The following NCBP2L variants were observed in gnomAD, a reference collection of about 807,000 sequenced individuals.
The protein encoded by NCBP2L is nuclear cap binding protein subunit 2 like.
For synonymous variants in NCBP2L, 39 were observed against 19.2 expected, an observed-to-expected ratio of 2.04 and a Z score of -2.70; for missense variants, 95 against 53.1, an observed-to-expected ratio of 1.79 and a Z score of -2.45.
At chrX:107,789,515 G>A (rs775923901) in intron 1 of NCBP2L, among the ~76,000 whole-genome samples, 2 of 111,669 alleles carry the variant, frequency 1.8e-5, no homozygotes, top group Non-Finnish European at 3.8e-5. Flanking sequence ...CTCACCTCCT[G>A]TTAAAAACTC....
intron 1 of NCBP2L, among the ~76,000 whole-genome samples, chrX:107,785,170 A>G (rs1449132413): frequency 8.9e-6 from 1 of 112,142 alleles, no homozygotes; most frequent in Non-Finnish European, 1.9e-5. Context: ...TATTTTCTTT[A>G]TAGTAAAGGG....
intron 1 of NCBP2L, among the ~76,000 whole-genome samples, chrX:107,778,906 C>G (rs1407800499): frequency 9.0e-6 from 1 of 111,469 alleles, no homozygotes; most frequent in East Asian, 2.8e-4. Context: ...AGTACAAATA[C>G]TAAGTGGTAA....
chrX:107,785,963 T>C (rs1008375911), intron 1 of NCBP2L, among the ~76,000 whole-genome samples: 9 of 106,920 alleles, frequency 8.4e-5, no homozygotes, highest in Non-Finnish European at 1.2e-4. Flanking sequence ...TAGGGGCCCC[T>C]GACCTAATAT....
chrX:107,781,672 A>ATCTCTCTCTC (rs1203106428), intron 1 of NCBP2L, among the ~76,000 whole-genome samples: 6 of 62,643 alleles, frequency 9.6e-5, no homozygotes, highest in African/African-American at 6.2e-4. Context: ...CTATCTATCT[A>ATCTCTCTCTC]TCTATCTCTC....
At chrX:107,786,411 CA>C (rs987857698) in intron 1 of NCBP2L, among the ~76,000 whole-genome samples, 15 of 112,008 alleles carry the variant, frequency 1.3e-4, no homozygotes, top group African/African-American at 4.5e-4. Flanking sequence ...CTTGGTAATT[CA>C]GCAAAAACAA....
rs1213203647 is a variant in NCBP2L, at chrX:107,781,768, CTA to C, written c.-73+3919_-73+3920del. Among the ~76,000 whole-genome samples the C allele has an allele frequency of 9.2e-5, 6 of 65,468 alleles. No homozygotes were observed. The East Asian group carries it at 1.2e-3, about 13-fold the overall frequency. The allele number at this position is 65,468 out of a possible 115,157, so 56.9% of individuals were successfully genotyped here. Reference sequence around the variant, plus strand: ...TATCTATATATAGATCTATAGATATCTATATATATAGATCTATAGATATCTAT... The same window carrying C: ...TATCTATATATAGATCTATAGATATCTATATATAGATCTATAGATATCTAT... On this transcript the variant is annotated intron_variant, in intron 1 of 1. Coordinates refer to ENST00000509000, the MANE Select transcript of NCBP2L (RefSeq NM_001348372.2).
At chrX:107,777,932 C>T (rs1326823546) in intron 1 of NCBP2L, 74 bp downstream of exon 1, 3 of 111,360 alleles carry the variant, frequency 2.7e-5, no homozygotes, top group Admixed American at 9.6e-5. Flanking sequence ...TTCGTTCTAA[C>T]AGACTGCTGA....
At chrX:107,781,472 A>ATTTTTTTTTTTTTTTTT (rs769639335) in intron 1 of NCBP2L, among the ~76,000 whole-genome samples, 1 of 73,865 alleles carries the variant, frequency 1.4e-5, no homozygotes, top group African/African-American at 6.8e-5. Flanking sequence ...CGCCCGGCTA[A>ATTTTTTTTTTTTTTTTT]TTTTTTTTTT....
intron 1 of NCBP2L, among the ~76,000 whole-genome samples, chrX:107,778,140 CTTG>C (rs1397189998): frequency 9.0e-6 from 1 of 110,782 alleles, no homozygotes; most frequent in Non-Finnish European, 1.9e-5. Flanking sequence ...GTTTTTTCCT[CTTG>C]TTTATAATTA....
At chrX:107,781,472 ATTTT>A (rs769639335) in intron 1 of NCBP2L, among the ~76,000 whole-genome samples, 1 of 73,848 alleles carries the variant, frequency 1.4e-5, no homozygotes, top group Non-Finnish European at 2.4e-5. Context: ...CGCCCGGCTA[ATTTT>A]TTTTTTTTTT....
At chrX:107,781,732 C>A (rs763903781) in intron 1 of NCBP2L, among the ~76,000 whole-genome samples, 6 of 53,407 alleles carry the variant, frequency 1.1e-4, no homozygotes, top group South Asian at 7.3e-4. Flanking sequence ...ATCTATAGAT[C>A]TATATATAGA....
At chrX:107,790,422 A>C (rs1930436410) in intron 1 of NCBP2L, among the ~76,000 whole-genome samples, 1 of 111,026 alleles carries the variant, frequency 9.0e-6, no homozygotes, top group Admixed American at 9.6e-5. Flanking sequence ...CTCTGCTTGA[A>C]GCCCTATCAT....
At position 107,778,469 on chromosome X, in the gene NCBP2L, A is replaced by G. The variant is rs959615561; in HGVS notation, c.-73+611A>G. Among the ~76,000 whole-genome samples the G allele has an allele frequency of 1.4e-4, 16 of 112,860 alleles. No homozygotes were observed. The East Asian group carries it at 4.4e-3, about 31-fold the overall frequency. The stretch of plus-strand genomic sequence containing the variant: ...TATAATTGAGATATAAAAAAACTAC[A>G]TAGTTCAGAGATAGAGTTCAGGAGC... On this transcript the variant is annotated intron_variant, in intron 1 of 1. Coordinates refer to ENST00000509000, the MANE Select transcript of NCBP2L (RefSeq NM_001348372.2).
At chrX:107,793,536 T>G (rs1274014573) in intron 1 of NCBP2L, among the ~76,000 whole-genome samples, 1 of 112,132 alleles carries the variant, frequency 8.9e-6, no homozygotes, top group Non-Finnish European at 1.9e-5. Context: ...TAATTACTAT[T>G]TACCTTTTGA....
At chrX:107,790,346 C>G (rs1429888716) in intron 1 of NCBP2L, among the ~76,000 whole-genome samples, 1 of 111,598 alleles carries the variant, frequency 9.0e-6, no homozygotes, top group African/African-American at 3.3e-5. Context: ...GCCTGCTCCC[C>G]CTTAGTCTAT....
intron 1 of NCBP2L, among the ~76,000 whole-genome samples, chrX:107,786,688 A>G (rs147493617): frequency 6.4e-4 from 72 of 111,655 alleles, no homozygotes; most frequent in Non-Finnish European, 1.0e-3. Context: ...ATTTCATTTC[A>G]TTCTCACAAC....
chrX:107,780,786 T>A (rs1228826013), intron 1 of NCBP2L, among the ~76,000 whole-genome samples: 1 of 108,844 alleles, frequency 9.2e-6, no homozygotes, highest in African/African-American at 3.4e-5. Flanking sequence ...CATGCCACCA[T>A]GCAGGGCTCA....
intron 1 of NCBP2L, among the ~76,000 whole-genome samples, chrX:107,784,616 G>A (rs750880691): frequency 3.7e-5 from 4 of 109,402 alleles, no homozygotes; most frequent in South Asian, 4.0e-4. Context: ...CCCAACCACC[G>A]CTACCACCAT....
intron 1 of NCBP2L, among the ~76,000 whole-genome samples, chrX:107,789,837 T>G (rs930986715): frequency 2.5e-4 from 27 of 109,800 alleles, no homozygotes; most frequent in African/African-American, 8.0e-4. Flanking sequence ...TTCCCAGGTT[T>G]TTTCATTCCT....
Sources: gnomAD v4.1 joint callset for allele counts (sites outside exome capture counted in the v4.1 genomes callset) on GRCh38, gnomAD v4.1.1 for gene constraint, MANE v1.5 for transcripts, NCBI Gene and HGNC (gene_info 2026-07-23, HGNC 2026-07-21) for gene names.